The following SPAG16 variants were observed in gnomAD, a reference collection of about 807,000 sequenced individuals.
SPAG16 encodes the protein sperm-associated antigen 16 protein.
A neutral mutation model predicts 80.4 loss-of-function variants in SPAG16; 86 were observed. That is an observed-to-expected ratio of 1.07 (90% CI 0.90 to 1.28). SPAG16 has a LOEUF of 1.28. Ranked by LOEUF, SPAG16 falls within the 50% of genes most tolerant of loss-of-function variation. SPAG16 has a pLI of 0.00. For synonymous variants in SPAG16, 294 were observed against 265.9 expected (o/e 1.11, Z -1.03); for missense variants, 870 against 765.3 (o/e 1.14, Z -1.61).
chr2:214,219,520 G>A (rs1160558541), intron 15 of SPAG16, among the ~76,000 whole-genome samples: 1 of 152,050 alleles, frequency 6.6e-6, no homozygotes, highest in Non-Finnish European at 1.5e-5. Context: ...AAAGTGCTAA[G>A]TGTTTGCTAT....
At chr2:213,901,713 C>T (rs1040879667) in intron 11 of SPAG16, among the ~76,000 whole-genome samples, 17 of 151,892 alleles carry the variant, frequency 1.1e-4, no homozygotes, top group African/African-American at 4.1e-4. Context: ...TTAAAAAATA[C>T]AATAATCTAT....
At chr2:214,205,977 G>A (rs1346259190) in intron 15 of SPAG16, among the ~76,000 whole-genome samples, 1 of 151,948 alleles carries the variant, frequency 6.6e-6, no homozygotes, top group Non-Finnish European at 1.5e-5. Context: ...GGCAGATTAC[G>A]AGGTCAGGAG....
intron 10 of SPAG16, among the ~76,000 whole-genome samples, chr2:213,761,851 G>A (rs1041540255): frequency 6.6e-6 from 1 of 151,016 alleles, no homozygotes; most frequent in African/African-American, 2.4e-5. Flanking sequence ...GGGTGACAGA[G>A]TGAGATTCCG....
chr2:213,389,187 T>G (rs1308785343), intron 9 of SPAG16, among the ~76,000 whole-genome samples: 1 of 152,142 alleles, frequency 6.6e-6, no homozygotes, highest in Non-Finnish European at 1.5e-5. Context: ...TTTTACCAAA[T>G]TGTGCTGGGA....
intron 13 of SPAG16, among the ~76,000 whole-genome samples, chr2:214,092,693 C>CA (rs528602561): frequency 3.8e-4 from 58 of 151,944 alleles, no homozygotes; most frequent in Non-Finnish European, 5.1e-4. Flanking sequence ...TATTGCCTGT[C>CA]AGCTTCATAC....
chr2:213,432,368 G>A (rs2070358254), intron 9 of SPAG16, among the ~76,000 whole-genome samples: 1 of 151,884 alleles, frequency 6.6e-6, no homozygotes, highest in African/African-American at 2.4e-5. Context: ...AAAGAAGTGA[G>A]AAGATCCAAA....
At chr2:214,291,150 GA>G (rs1693761087) in intron 15 of SPAG16, among the ~76,000 whole-genome samples, 1 of 151,834 alleles carries the variant, frequency 6.6e-6, no homozygotes, top group African/African-American at 2.4e-5. Context: ...ACTTAAAATT[GA>G]TTTTATGTGA....
chr2:214,082,848 G>C (rs1428624417), intron 13 of SPAG16, among the ~76,000 whole-genome samples: 1 of 152,066 alleles, frequency 6.6e-6, no homozygotes, highest in Admixed American at 6.5e-5. Context: ...CACTTTCAAT[G>C]TTAAGCATTG....
chr2:213,336,675 G>C (rs2124922474), intron 5 of SPAG16, among the ~76,000 whole-genome samples: 1 of 152,290 alleles, frequency 6.6e-6, no homozygotes, highest in Non-Finnish European at 1.5e-5. Context: ...TTCTCACTGG[G>C]TGAGGCCTCT....
chr2:213,479,087 T>C (rs1208673511), intron 9 of SPAG16, among the ~76,000 whole-genome samples: 7 of 145,498 alleles, frequency 4.8e-5, no homozygotes, highest in Non-Finnish European at 9.0e-5. Context: ...CCAGGCACAC[T>C]GGCTTCCTTT....
chr2:213,378,230 A>T (rs2066992969), intron 9 of SPAG16, among the ~76,000 whole-genome samples: 2 of 152,086 alleles, frequency 1.3e-5, no homozygotes, highest in Admixed American at 6.6e-5. Context: ...TTCCCAGCCC[A>T]CTGACTCAAA....
intron 10 of SPAG16, among the ~76,000 whole-genome samples, chr2:213,541,125 T>C (rs2076432372): frequency 6.6e-6 from 1 of 152,246 alleles, no homozygotes; most frequent in Non-Finnish European, 1.5e-5. Flanking sequence ...TCTGTCATTG[T>C]TTCATTTACG....
chr2:213,894,806 T>C lies in SPAG16; in HGVS notation c.1214+32178T>C, dbSNP rs534498932. 5.9e-5 allele frequency among the ~76,000 whole-genome samples: 9 copies of C among 151,502 alleles called. No individual in the cohort carries two copies. The South Asian group carries it at 1.9e-3, about 32-fold the overall frequency. On this transcript the variant is annotated intron_variant, in intron 11 of 15. Transcript: ENST00000331683. ...GAGATTGAGACCATCCTGGCTAACA[T>C]GGTGAAACCACATCTCTACTAAAAA...
At chr2:213,498,039 GA>G (rs1320989165) in intron 10 of SPAG16, among the ~76,000 whole-genome samples, 2 of 152,096 alleles carry the variant, frequency 1.3e-5, no homozygotes, top group African/African-American at 4.8e-5. Context: ...AGATGGTTTA[GA>G]ACAAGTACCA....
At chr2:213,844,830 G>T (rs1389257996) in intron 10 of SPAG16, among the ~76,000 whole-genome samples, 1 of 151,940 alleles carries the variant, frequency 6.6e-6, no homozygotes, top group Non-Finnish European at 1.5e-5. Context: ...ATTACTTTTT[G>T]AAATTGATTT....
In SPAG16 at chr2:213,805,524, T is replaced by A. The variant is rs115666517; in HGVS notation, c.1071-56961T>A. ...AGATACAGGGAAGTACCTTTTAGGT[T>A]TTTAGAAGAGTTATCTGAGGAGGGG... is the stretch of plus-strand genomic sequence containing the variant. On this transcript the variant is annotated intron_variant, in intron 10 of 15. Transcript: ENST00000331683. Among the ~76,000 whole-genome samples, 1,032 of 152,268 alleles carry A rather than the reference T, an allele frequency of 6.8e-3. 22 individuals carry two copies. Among genetic ancestry groups the A allele is most frequent in the African/African-American group, 0.024 (992 of 41,554 alleles).
chr2:214,287,618 A>ACTGATT (rs1395609039), intron 15 of SPAG16, among the ~76,000 whole-genome samples: 1 of 152,208 alleles, frequency 6.6e-6, no homozygotes, highest in Non-Finnish European at 1.5e-5. Context: ...ATCTTAAAAT[A>ACTGATT]CTGATTTTTC....
intron 10 of SPAG16, among the ~76,000 whole-genome samples, chr2:213,600,344 C>T (rs1384051226): frequency 1.3e-5 from 2 of 152,140 alleles, no homozygotes; most frequent in Non-Finnish European, 2.9e-5. Context: ...AAGTCTTCAG[C>T]CATGGATTCT....
rs945352353 is a variant in SPAG16, at chr2:213,761,117, T to C, written c.1071-101368T>C. Among the ~76,000 whole-genome samples the C allele has an allele frequency of 2.6e-5, 4 of 152,232 alleles. No individual in the cohort carries two copies. The Middle Eastern group carries it at 0.01, about 388-fold the overall frequency. On this transcript the variant is annotated intron_variant, in intron 10 of 15. Coordinates refer to ENST00000331683, the MANE Select transcript of SPAG16 (RefSeq NM_024532.5). ...GCAAGGATGAAGTTAGAAATCAATA[T>C]AAATAAAACCAGAAAAAGTTACAAA...
Sources: allele counts gnomAD v4.1 joint callset (sites outside exome capture counted in the v4.1 genomes callset), GRCh38; gene constraint gnomAD v4.1.1; transcripts MANE v1.5; gene names NCBI Gene and HGNC (gene_info 2026-07-23, HGNC 2026-07-21).